Variants in PTPRZ1 observed in about 807,000 individuals in gnomAD.
PTPRZ1 encodes the protein protein tyrosine phosphatase receptor type Z1.
PTPRZ1 carries 82 observed loss-of-function variants against 214.1 expected under a neutral mutation model. The observed-to-expected ratio is 0.38, with a 90% CI of 0.32 to 0.46. The LOEUF is 0.46. Among genes scored for constraint, PTPRZ1 ranks in the 20% least tolerant of loss-of-function variants. PTPRZ1 has a pLI of 1.00. For missense variants in PTPRZ1, 2,603 were observed against 2,748.7 expected (o/e 0.95, Z 1.19); for synonymous variants, 945 against 987.9 (o/e 0.96, Z 0.81).
At chr7:122,031,855 C>T (rs942869686) in intron 15 of PTPRZ1, 1 of 170,464 alleles carries the variant, frequency 5.9e-6, no homozygotes, top group Non-Finnish European at 1.2e-5. Context: ...GAATTAATAA[C>T]AATGATTCTT....
intron 6 of PTPRZ1, among the ~76,000 whole-genome samples, chr7:121,981,550 T>G (rs1018160851): frequency 3.3e-5 from 5 of 152,184 alleles, no homozygotes; most frequent in Non-Finnish European, 7.4e-5. Context: ...GCTGCCTACA[T>G]GAGTGAGGGC....
intron 1 of PTPRZ1, among the ~76,000 whole-genome samples, chr7:121,896,606 T>C (rs1194325574): frequency 2.6e-5 from 4 of 152,068 alleles, no homozygotes; most frequent in African/African-American, 4.8e-5. Flanking sequence ...ACCCCGCCTC[T>C]ACTAAAAATA....
In PTPRZ1 at chr7:122,010,664, G is replaced by T. The variant is rs769327134; in HGVS notation, c.1618G>T (p.Asp540Tyr). 6.2e-7 allele frequency: 1 copy of T among 1,613,542 alleles called. No homozygotes were observed. The highest frequency in any genetic ancestry group is 1.7e-5 in the Admixed American group (1 of 60,000). ...TVEGTSASLN[D>Y]GSKTVLRSPH... ...GGAAGGTACTTCAGCCTCTTTAAAT[G>T]ATGGCTCTAAAACTGTTCTTAGATC... Residue 540 changes from aspartate (D) to tyrosine (Y), a missense_variant, in exon 12 of 30, where the codon GAT becomes TAT. This residue lies in a region of PTPRZ1 where 1,913 missense variants were observed against 1,914.3 expected (regional missense o/e 1.00). Coordinates refer to ENST00000393386, the MANE Select transcript of PTPRZ1 (RefSeq NM_002851.3).
At chr7:121,948,556 A>G (rs374942431) in intron 2 of PTPRZ1, among the ~76,000 whole-genome samples, 1 of 152,178 alleles carries the variant, frequency 6.6e-6, no homozygotes, top group Non-Finnish European at 1.5e-5. Flanking sequence ...CATCTGAGGT[A>G]TGAAGAAAGA....
Position 122,011,443 on chromosome 7 carries a change from A to G in PTPRZ1, c.2397A>G (p.Val799=). The change falls in exon 12 of 30, where the codon GTA becomes GTG. Residue 799 remains valine, a synonymous_variant. Transcript: ENST00000393386. ...ATTCGGCCTTGCATGCTACGCCTGT[A>G]TTTCCCAGTGTCGATGTGTCATTTG... ...SSDSALHATP[V]FPSVDVSFES... 6.2e-7 allele frequency: 1 copy of G among 1,613,988 alleles called. No homozygotes were observed. Among genetic ancestry groups the G allele is most frequent in the African/African-American group, 1.3e-5 (1 of 75,006 alleles).
chr7:122,026,881 A>C (rs1001835652), intron 13 of PTPRZ1, among the ~76,000 whole-genome samples: 1 of 152,236 alleles, frequency 6.6e-6, no homozygotes, highest in Non-Finnish European at 1.5e-5. Context: ...AAGTTCATTC[A>C]TCAGAGAAAT....
intron 11 of PTPRZ1, among the ~76,000 whole-genome samples, chr7:122,006,754 C>T (rs1233246199): frequency 6.6e-6 from 1 of 151,956 alleles, no homozygotes; most frequent in African/African-American, 2.4e-5. Flanking sequence ...CAGCCCAGGT[C>T]TCAACAGGAA....
At chr7:121,993,592 A>C (rs1316773676) in intron 8 of PTPRZ1, among the ~76,000 whole-genome samples, 1 of 151,212 alleles carries the variant, frequency 6.6e-6, no homozygotes, top group Non-Finnish European at 1.5e-5. Flanking sequence ...AAAAAAAAAA[A>C]AACACAAAAC....
chr7:121,994,245 A>C (rs1258468869), intron 8 of PTPRZ1, among the ~76,000 whole-genome samples: 2 of 150,682 alleles, frequency 1.3e-5, no homozygotes, highest in Non-Finnish European at 3.0e-5. Context: ...TTTTTTCTTA[A>C]GAGATTGTTA....
intron 1 of PTPRZ1, among the ~76,000 whole-genome samples, chr7:121,891,186 T>C (rs972940253): frequency 2.0e-5 from 3 of 152,170 alleles, no homozygotes; most frequent in Non-Finnish European, 2.9e-5. Context: ...AATGATACTT[T>C]TTCATTTGAG....
chr7:121,888,926 G>T (rs1354741977), intron 1 of PTPRZ1, among the ~76,000 whole-genome samples: 1 of 151,998 alleles, frequency 6.6e-6, no homozygotes, highest in African/African-American at 2.4e-5. Flanking sequence ...TGAAGAATTG[G>T]CAAATAGCTA....
chr7:122,057,431 A>C (rs761081408), intron 27 of PTPRZ1, among the ~76,000 whole-genome samples: 11 of 151,882 alleles, frequency 7.2e-5, no homozygotes, highest in Middle Eastern at 3.4e-3. Flanking sequence ...TTATTTTTAC[A>C]TAAACATATT....
At chr7:121,876,797 A>T (rs1248408733) in intron 1 of PTPRZ1, among the ~76,000 whole-genome samples, 18 of 152,144 alleles carry the variant, frequency 1.2e-4, no homozygotes, top group Admixed American at 9.8e-4. Flanking sequence ...TGATGAATTC[A>T]TTTCTACTCT....
intron 10 of PTPRZ1, among the ~76,000 whole-genome samples, chr7:122,001,135 G>C (rs1798310129): frequency 6.6e-6 from 1 of 151,968 alleles, no homozygotes; most frequent in Admixed American, 6.6e-5. Flanking sequence ...GTGTACAAAA[G>C]TATCACCATA....
At chr7:122,002,186 C>G (rs901815612) in intron 10 of PTPRZ1, among the ~76,000 whole-genome samples, 1 of 152,138 alleles carries the variant, frequency 6.6e-6, no homozygotes, top group Non-Finnish European at 1.5e-5. Flanking sequence ...AGAGACTCAG[C>G]AAAAGACTTC....
chr7:122,031,778 A>G (rs1015932042), intron 15 of PTPRZ1: 91 of 279,202 alleles, frequency 3.3e-4, no homozygotes, highest in Middle Eastern at 1.1e-3. Flanking sequence ...GTACTGGTGG[A>G]AACATAAAAA....
At chr7:122,001,835 A>G (rs1261333567) in intron 10 of PTPRZ1, among the ~76,000 whole-genome samples, 1 of 152,182 alleles carries the variant, frequency 6.6e-6, no homozygotes, top group Non-Finnish European at 1.5e-5. Flanking sequence ...CTAAGTGTTC[A>G]CTCAAAACAA....
At chr7:121,956,634 G>T (rs1796716238) in intron 2 of PTPRZ1, among the ~76,000 whole-genome samples, 1 of 152,242 alleles carries the variant, frequency 6.6e-6, no homozygotes, top group Non-Finnish European at 1.5e-5. Flanking sequence ...AGTCCAGATT[G>T]CCTGATGCAT....
intron 11 of PTPRZ1, 114 bp downstream of exon 11, chr7:122,004,774 T>G: frequency 1.7e-6 from 1 of 587,814 alleles, no homozygotes; most frequent in Middle Eastern, 2.7e-4. Flanking sequence ...TGATTCACTG[T>G]TTGTGGGGTT....
Sources: allele counts gnomAD v4.1 joint callset (sites outside exome capture counted in the v4.1 genomes callset), GRCh38; gene constraint gnomAD v4.1.1; regional missense constraint gnomAD v4.1.1; transcripts MANE v1.5; gene names NCBI Gene and HGNC (gene_info 2026-07-23, HGNC 2026-07-21).